The following SLIT3 variants were observed in gnomAD, a reference collection of about 807,000 sequenced individuals.
SLIT3 encodes the protein slit homolog 3 protein.
Under a neutral mutation model 184.0 loss-of-function variants are expected in SLIT3, and 68 were observed. The observed-to-expected ratio is 0.37, with a 90% CI of 0.30 to 0.45. SLIT3 has a LOEUF of 0.45. Ranked by LOEUF, SLIT3 falls within the 20% of genes least tolerant of loss-of-function variation. SLIT3 has a pLI of 1.00. For synonymous variants in SLIT3, 831 were observed against 828.6 expected (o/e 1.00, Z -0.05); for missense variants, 1,707 against 2,026.0 (o/e 0.84, Z 3.02).
intron 6 of SLIT3, among the ~76,000 whole-genome samples, chr5:168,833,640 G>T (rs1757951127): frequency 1.3e-5 from 2 of 152,220 alleles, no homozygotes; most frequent in Non-Finnish European, 2.9e-5. Flanking sequence ...ATTAAAAGGT[G>T]ATGGCATGAA....
chr5:169,056,772 C>A (rs1173190050), intron 4 of SLIT3, among the ~76,000 whole-genome samples: 1 of 152,164 alleles, frequency 6.6e-6, no homozygotes, highest in African/African-American at 2.4e-5. Flanking sequence ...GCTGACGGTG[C>A]CCTGTGGCTG....
At chr5:168,715,385 C>A (rs918040929) in intron 23 of SLIT3, among the ~76,000 whole-genome samples, 2 of 152,204 alleles carry the variant, frequency 1.3e-5, no homozygotes, top group Non-Finnish European at 2.9e-5. Context: ...ACCTCTTGGT[C>A]CCAGTGGTTT....
chr5:169,260,815 G>A (rs1039482557), intron 1 of SLIT3, among the ~76,000 whole-genome samples: 3 of 152,170 alleles, frequency 2.0e-5, no homozygotes, highest in Middle Eastern at 3.2e-3. Context: ...CAATAGTGGC[G>A]TGGTCTCTGC....
chr5:168,868,471 C>T (rs980565657), intron 5 of SLIT3, among the ~76,000 whole-genome samples: 6 of 152,198 alleles, frequency 3.9e-5, no homozygotes, highest in Admixed American at 6.5e-5. Context: ...ATGGCTTGGC[C>T]GGGCGCAGCG....
chr5:169,142,458 G>A (rs987199904), intron 4 of SLIT3, among the ~76,000 whole-genome samples: 9 of 152,144 alleles, frequency 5.9e-5, no homozygotes, highest in African/African-American at 1.9e-4. Flanking sequence ...AATCACTCAG[G>A]TGTTGGGTCA....
At chr5:168,978,059 C>A (rs1754828287) in intron 4 of SLIT3, among the ~76,000 whole-genome samples, 1 of 152,184 alleles carries the variant, frequency 6.6e-6, no homozygotes, top group Non-Finnish European at 1.5e-5. Context: ...GTCAAGGAGT[C>A]TGAAGAGACA....
intron 12 of SLIT3, among the ~76,000 whole-genome samples, chr5:168,783,189 C>T (rs1756033192): frequency 6.6e-6 from 1 of 152,062 alleles, no homozygotes; most frequent in Admixed American, 6.5e-5. Context: ...AAGGGGGTAA[C>T]TTGTGAGGCT....
intron 4 of SLIT3, among the ~76,000 whole-genome samples, chr5:169,183,438 T>C (rs1046975363): frequency 6.6e-6 from 1 of 152,148 alleles, no homozygotes; most frequent in Non-Finnish European, 1.5e-5. Context: ...CATACAACCC[T>C]TTCTCCCTAC....
At chr5:168,995,269 G>A (rs576869817) in intron 4 of SLIT3, among the ~76,000 whole-genome samples, 4 of 152,316 alleles carry the variant, frequency 2.6e-5, no homozygotes, top group South Asian at 4.1e-4. Flanking sequence ...CAAAGGAGCT[G>A]TTTAAGGCTG....
chr5:168,747,182 C>G (rs962011145), intron 20 of SLIT3, among the ~76,000 whole-genome samples: 1 of 152,164 alleles, frequency 6.6e-6, no homozygotes, highest in African/African-American at 2.4e-5. Context: ...GATTGCGGCT[C>G]TAGCATCATT....
intron 12 of SLIT3, among the ~76,000 whole-genome samples, chr5:168,778,970 C>T (rs576923148): frequency 3.6e-4 from 55 of 152,290 alleles, no homozygotes; most frequent in Non-Finnish European, 7.2e-4. Context: ...AAAGGACCCT[C>T]GGAGATCATA....
At chr5:169,127,544 G>A (rs569178145) in intron 4 of SLIT3, among the ~76,000 whole-genome samples, 1 of 152,336 alleles carries the variant, frequency 6.6e-6, no homozygotes, top group South Asian at 2.1e-4. Flanking sequence ...CAAGCATCAA[G>A]TCTCTGGTAA....
At chr5:169,057,627 T>C (rs566355857) in intron 4 of SLIT3, among the ~76,000 whole-genome samples, 1 of 152,100 alleles carries the variant, frequency 6.6e-6, no homozygotes, top group African/African-American at 2.4e-5. Context: ...TATGCTGGGG[T>C]CTGGACACGG....
At chr5:169,246,953 G>A (rs1180999184) in intron 2 of SLIT3, among the ~76,000 whole-genome samples, 3 of 138,108 alleles carry the variant, frequency 2.2e-5, no homozygotes, top group Non-Finnish European at 4.6e-5. Flanking sequence ...AAAAAAGGCT[G>A]GGCACAGTGG....
chr5:168,776,959 A>G (rs1755772754), intron 12 of SLIT3, among the ~76,000 whole-genome samples: 2 of 152,120 alleles, frequency 1.3e-5, no homozygotes, highest in African/African-American at 4.8e-5. Context: ...AGAGGTGCCC[A>G]TTTGATAGCC....
chr5:169,149,892 C>A (rs1396806017), intron 4 of SLIT3, among the ~76,000 whole-genome samples: 3 of 152,202 alleles, frequency 2.0e-5, no homozygotes, highest in Non-Finnish European at 2.9e-5. Flanking sequence ...TTGTTGACTT[C>A]CCTCTATGCC....
chr5:169,157,728 A>G (rs1181886458), intron 4 of SLIT3, among the ~76,000 whole-genome samples: 2 of 152,336 alleles, frequency 1.3e-5, no homozygotes, highest in Non-Finnish European at 1.5e-5. Flanking sequence ...AGATGCCACC[A>G]CTGATTTGGA....
At chr5:169,276,505 A>G (rs765537474) in intron 1 of SLIT3, among the ~76,000 whole-genome samples, 1 of 152,170 alleles carries the variant, frequency 6.6e-6, no homozygotes, top group Non-Finnish European at 1.5e-5. Context: ...AACAAAGAGG[A>G]TATTTCCTGG....
Position 168,751,754 on chromosome 5 carries a change from G to A in SLIT3, c.1973+1201C>T, listed in dbSNP as rs910860728. Among the ~76,000 whole-genome samples the A allele has an allele frequency of 4.1e-5, 6 of 145,564 alleles. No individual in the cohort carries two copies. The Admixed American group carries it at 4.1e-4, about 10-fold the overall frequency. ...TTTTTTTTTTTTTTTTTGAGACGAAGTCTCGCTCTCGCTCTGTTGCCAGGC... is the reference window on the plus strand; with the variant it reads ...TTTTTTTTTTTTTTTTTGAGACGAAATCTCGCTCTCGCTCTGTTGCCAGGC... On this transcript the variant is annotated intron_variant, in intron 18 of 35. Coordinates refer to ENST00000519560, the MANE Select transcript of SLIT3 (RefSeq NM_003062.4).
Sources: allele counts gnomAD v4.1 joint callset (sites outside exome capture counted in the v4.1 genomes callset), GRCh38; gene constraint gnomAD v4.1.1; transcripts MANE v1.5; gene names NCBI Gene and HGNC (gene_info 2026-07-23, HGNC 2026-07-21).